Variants in LRRC49 observed in about 807,000 individuals in gnomAD.
The protein encoded by LRRC49 is leucine-rich repeat-containing protein 49.
LRRC49 carries 50 observed loss-of-function variants against 83.3 expected under a neutral mutation model. The observed-to-expected ratio is 0.60, with a 90% CI of 0.48 to 0.76. LRRC49 has a LOEUF of 0.76. Ranked by LOEUF, LRRC49 falls within the 30% of genes least tolerant of loss-of-function variation. LRRC49 has a pLI of 0.00. For missense variants in LRRC49, 704 were observed against 809.1 expected, an observed-to-expected ratio of 0.87 and a Z score of 1.58; for synonymous variants, 286 against 283.3, an observed-to-expected ratio of 1.01 and a Z score of -0.10.
chr15:70,911,490 G>A (rs1276528066), intron 5 of LRRC49, 42 bp from the exon 6 acceptor site: 3 of 1,107,026 alleles, frequency 2.7e-6, no homozygotes, highest in Middle Eastern at 2.1e-4. Context: ...ACAGATAGAT[G>A]TGATACATCC....
In LRRC49 at chr15:70,859,824, T is replaced by C; in HGVS notation, c.-299+6355T>C. The C allele has an allele frequency of 2.6e-5, 20 of 759,840 alleles. 1 individual carries two copies. In the South Asian group the frequency reaches 2.7e-4, roughly 10 times the overall value. The allele number at this position is 759,840 out of a possible 1,614,324, so 47.1% of individuals were successfully genotyped here. A position where few individuals can be genotyped will look rare whatever the true frequency, so the allele number is the denominator to read the frequency against. On this transcript the variant is annotated intron_variant, in intron 1 of 16. Transcript: ENST00000544974. Reference sequence around the variant, plus strand: ...GCCAGGCAGGATATGGTGTGGCAGCTGCGTGAGTACCAGGAGCTGATGAAT... The same window carrying C: ...GCCAGGCAGGATATGGTGTGGCAGCCGCGTGAGTACCAGGAGCTGATGAAT...
At chr15:70,979,970 T>C in intron 9 of LRRC49, 131 bp from the exon 10 acceptor site, 1 of 534,366 alleles carries the variant, frequency 1.9e-6, no homozygotes. Context: ...TAAATTTTTC[T>C]TTGAGAGTAT....
chr15:70,877,609 T>C (rs2033177824), intron 2 of LRRC49, among the ~76,000 whole-genome samples: 1 of 152,188 alleles, frequency 6.6e-6, no homozygotes, highest in African/African-American at 2.4e-5. Context: ...GACATTTGAG[T>C]TTTCAGATTT....
intron 15 of LRRC49, among the ~76,000 whole-genome samples, chr15:71,043,946 C>T (rs1422727102): frequency 2.6e-5 from 4 of 152,004 alleles, no homozygotes; most frequent in Non-Finnish European, 5.9e-5. Flanking sequence ...ATTCAAAATC[C>T]TATTTTAAGC....
At chr15:70,872,264 A>G (rs1274660558) in intron 1 of LRRC49, among the ~76,000 whole-genome samples, 1 of 152,240 alleles carries the variant, frequency 6.6e-6, no homozygotes, top group Non-Finnish European at 1.5e-5. Flanking sequence ...GCGTGGCAGC[A>G]CGCGCCTGCA....
intron 15 of LRRC49, among the ~76,000 whole-genome samples, chr15:71,041,039 AGAAGAG>A (rs1268716782): frequency 1.3e-5 from 2 of 152,166 alleles, no homozygotes; most frequent in African/African-American, 2.4e-5. Context: ...ACTTAGGCTT[AGAAGAG>A]GACTCTGAGC....
intron 7 of LRRC49, among the ~76,000 whole-genome samples, chr15:70,925,619 A>G (rs930555666): frequency 7.2e-5 from 11 of 152,194 alleles, no homozygotes; most frequent in African/African-American, 2.2e-4. Context: ...GTCTTATAGT[A>G]TCAAAACATA....
chr15:70,959,593 GGAAGGA>G (rs1567070878), intron 8 of LRRC49, among the ~76,000 whole-genome samples: 31 of 125,908 alleles, frequency 2.5e-4, no homozygotes, highest in Non-Finnish European at 2.6e-4. Flanking sequence ...AAGGAAGGAA[GGAAGGA>G]AGGGAGGGAA....
intron 2 of LRRC49, chr15:70,881,898 A>G (rs1488223990): frequency 6.6e-6 from 1 of 152,202 alleles, no homozygotes; most frequent in Non-Finnish European, 1.5e-5. Context: ...CCATAGATTC[A>G]TCAGAAATGC....
intron 8 of LRRC49, among the ~76,000 whole-genome samples, chr15:70,940,003 ATAATCCTCCGGGCTG>A (rs932327622): frequency 6.6e-5 from 10 of 152,152 alleles, no homozygotes; most frequent in African/African-American, 1.9e-4. Flanking sequence ...CTAAGACAAG[ATAATCCTCCGGGCTG>A]TTTTCAAAAT....
intron 5 of LRRC49, among the ~76,000 whole-genome samples, chr15:70,911,241 T>C: frequency 6.6e-6 from 1 of 152,198 alleles, no homozygotes; most frequent in Non-Finnish European, 1.5e-5. Context: ...GTTTAGATTA[T>C]ATTCTAATGT....
intron 8 of LRRC49, among the ~76,000 whole-genome samples, chr15:70,956,987 A>C (rs1449369415): frequency 6.6e-6 from 1 of 152,208 alleles, no homozygotes; most frequent in East Asian, 1.9e-4. Context: ...GACATAGACC[A>C]TATGGGCATC....
At chr15:70,914,934 C>T (rs1284661710) in intron 6 of LRRC49, among the ~76,000 whole-genome samples, 27 of 152,176 alleles carry the variant, frequency 1.8e-4, no homozygotes, top group Admixed American at 1.8e-3. Context: ...ACTGGAGTAT[C>T]CAGCTTTCCT....
At chr15:71,032,034 T>G (rs1263670856) in intron 14 of LRRC49, among the ~76,000 whole-genome samples, 2 of 152,120 alleles carry the variant, frequency 1.3e-5, no homozygotes, top group Non-Finnish European at 2.9e-5. Flanking sequence ...CAGGCGCCAC[T>G]GGGGTATGAA....
chr15:70,962,726 T>C (rs534793270), intron 8 of LRRC49, among the ~76,000 whole-genome samples: 5 of 152,230 alleles, frequency 3.3e-5, no homozygotes, highest in Non-Finnish European at 5.9e-5. Flanking sequence ...TAAAATTGTA[T>C]TGGATAATAA....
chr15:70,942,492 T>G (rs763397268), intron 8 of LRRC49, among the ~76,000 whole-genome samples: 8 of 152,238 alleles, frequency 5.3e-5, no homozygotes, highest in Non-Finnish European at 8.8e-5. Context: ...AAAATCCACT[T>G]AGAAACAAAC....
intron 8 of LRRC49, among the ~76,000 whole-genome samples, chr15:70,942,028 A>G (rs1262731302): frequency 8.4e-6 from 1 of 118,904 alleles, no homozygotes; most frequent in East Asian, 2.4e-4. Context: ...ATTACTGTAA[A>G]GGTTATGTGT....
chr15:70,944,728 A>G (rs761721738), intron 8 of LRRC49, among the ~76,000 whole-genome samples: 1 of 152,006 alleles, frequency 6.6e-6, no homozygotes, highest in Non-Finnish European at 1.5e-5. Context: ...TGCTCTTATC[A>G]TTTCTATCTA....
chr15:70,981,514 T>G (rs1207948848), intron 10 of LRRC49, among the ~76,000 whole-genome samples: 1 of 151,872 alleles, frequency 6.6e-6, no homozygotes, highest in Non-Finnish European at 1.5e-5. Flanking sequence ...AAAAGAATGC[T>G]AAAAAATAAA....
Sources: allele counts gnomAD v4.1 joint callset (sites outside exome capture counted in the v4.1 genomes callset), GRCh38; gene constraint gnomAD v4.1.1; transcripts MANE v1.5; gene names NCBI Gene and HGNC (gene_info 2026-07-23, HGNC 2026-07-21).